TOX: variants seen among roughly 807,000 people sequenced by gnomAD.
TOX encodes the protein thymocyte selection associated high mobility group box, also known as thymocyte selection-associated high mobility group box protein TOX.
In TOX, 11 loss-of-function variants were observed where a neutral mutation model predicts 53.7. The ratio of observed to expected loss-of-function variants is 0.20; its 90% CI spans 0.13 to 0.34. The LOEUF (loss-of-function observed/expected upper bound fraction) is 0.34, where lower values mean the gene tolerates loss of function less well. Among genes scored for constraint, TOX ranks in the 10% least tolerant of loss-of-function variants. The probability of loss-of-function intolerance (pLI) is 1.00; values close to 1 mark genes in which losing one functional copy is unlikely to be tolerated. For missense variants in TOX, 570 were observed against 664.6 expected (o/e 0.86, Z 1.56); for synonymous variants, 225 against 245.3 (o/e 0.92, Z 0.77).
chr8:59,068,359 G>C lies in TOX; in HGVS notation c.102+50527C>G, dbSNP rs117711745. ...TGTCCACAGAGTTTATCTAGTGGGG[G>C]AGATAGCTGTAAAGGAGACGGGGGA... On this transcript the variant is annotated intron_variant, in intron 1 of 8. Coordinates refer to ENST00000361421, the MANE Select transcript of TOX (RefSeq NM_014729.3). Among the ~76,000 whole-genome samples, 210 of 151,840 alleles carry C rather than the reference G, an allele frequency of 1.4e-3. 1 individual carries two copies. Among genetic ancestry groups the C allele is most frequent in the Non-Finnish European group, 2.5e-3 (167 of 67,972 alleles).
At chr8:59,086,904 A>C (rs895451597) in intron 1 of TOX, among the ~76,000 whole-genome samples, 1 of 152,176 alleles carries the variant, frequency 6.6e-6, no homozygotes, top group Non-Finnish European at 1.5e-5. Flanking sequence ...TGATGCAGTA[A>C]ATGGGGATTT....
chr8:59,056,687 T>G (rs1803894553), intron 1 of TOX, among the ~76,000 whole-genome samples: 1 of 152,132 alleles, frequency 6.6e-6, no homozygotes, highest in Non-Finnish European at 1.5e-5. Context: ...ATGCAGAAAT[T>G]TCTACTCCGT....
chr8:58,962,625 A>T (rs1812819946), intron 1 of TOX, among the ~76,000 whole-genome samples: 1 of 152,186 alleles, frequency 6.6e-6, no homozygotes, highest in Non-Finnish European at 1.5e-5. Flanking sequence ...AAAAATTATC[A>T]AAGCAGAGTG....
At chr8:58,807,847 G>C in intron 8 of TOX, 64 bp from the exon 9 acceptor site, 5 of 1,589,826 alleles carry the variant, frequency 3.1e-6, no homozygotes, top group Non-Finnish European at 4.3e-6. Flanking sequence ...GTGACAATGG[G>C]GGGATGGATG....
chr8:59,049,141 A>G (rs1029671881), intron 1 of TOX, among the ~76,000 whole-genome samples: 7 of 152,142 alleles, frequency 4.6e-5, no homozygotes, highest in African/African-American at 1.7e-4. Context: ...ATAAGAAAAC[A>G]TGCACGCTTA....
intron 1 of TOX, among the ~76,000 whole-genome samples, chr8:59,004,249 C>A (rs1813746430): frequency 6.6e-6 from 1 of 152,188 alleles, no homozygotes; most frequent in Non-Finnish European, 1.5e-5. Context: ...ATCTAAACCA[C>A]TTTTCTATTG....
intron 1 of TOX, among the ~76,000 whole-genome samples, chr8:59,049,217 A>G (rs1270551353): frequency 1.3e-5 from 2 of 152,168 alleles, no homozygotes; most frequent in African/African-American, 4.8e-5. Context: ...AGGGACCAAA[A>G]AATCAGTTAA....
At chr8:58,928,268 T>C (rs1812198219) in intron 3 of TOX, among the ~76,000 whole-genome samples, 1 of 152,204 alleles carries the variant, frequency 6.6e-6, no homozygotes, top group Non-Finnish European at 1.5e-5. Context: ...AGGCCAGCCT[T>C]GTGTGCTATG....
At chr8:59,011,367 A>C (rs1188279506) in intron 1 of TOX, among the ~76,000 whole-genome samples, 1 of 152,176 alleles carries the variant, frequency 6.6e-6, no homozygotes, top group Non-Finnish European at 1.5e-5. Context: ...AGCCCTACCC[A>C]GGAAAGGCTG....
chr8:58,974,520 T>A (rs1442918105), intron 1 of TOX, among the ~76,000 whole-genome samples: 1 of 152,202 alleles, frequency 6.6e-6, no homozygotes, highest in African/African-American at 2.4e-5. Flanking sequence ...ACCCAACTCT[T>A]CTAGGGCCTT....
At chr8:58,940,429 T>C (rs1449291398) in intron 2 of TOX, among the ~76,000 whole-genome samples, 2 of 151,978 alleles carry the variant, frequency 1.3e-5, no homozygotes, top group Non-Finnish European at 2.9e-5. Context: ...GACATGCCTG[T>C]TTGAAATGGA....
In TOX at chr8:59,100,041, T is replaced by C. The variant is rs555231109; in HGVS notation, c.102+18845A>G. On this transcript the variant is annotated intron_variant, in intron 1 of 8. Coordinates refer to ENST00000361421, the MANE Select transcript of TOX (RefSeq NM_014729.3). ...GGAGTAGAATTGCATCTTTTTTTTT[T>C]TCCCATAAAATGCAATTACGGAGAA... Among the ~76,000 whole-genome samples the C allele has an allele frequency of 2.0e-4, 31 of 152,260 alleles. 1 individual carries two copies. Among genetic ancestry groups the C allele is most frequent in the South Asian group, 1.9e-3 (9 of 4,822 alleles).
At chr8:58,825,696 T>A (rs1810354466) in intron 6 of TOX, among the ~76,000 whole-genome samples, 1 of 152,254 alleles carries the variant, frequency 6.6e-6, no homozygotes, top group South Asian at 2.1e-4. Flanking sequence ...AATTATCTGT[T>A]AACAATATCC....
intron 1 of TOX, among the ~76,000 whole-genome samples, chr8:59,018,679 C>T (rs890175002): frequency 6.6e-6 from 1 of 152,180 alleles, no homozygotes; most frequent in South Asian, 2.1e-4. Flanking sequence ...CCAGAACCAA[C>T]ACTGGCTTGA....
intron 7 of TOX, 149 bp downstream of exon 7, chr8:58,815,189 G>T: frequency 9.7e-7 from 1 of 1,035,750 alleles, no homozygotes; most frequent in Non-Finnish European, 1.3e-6. Context: ...GCAGATATTT[G>T]TTGAATATCT....
chr8:58,909,356 A>C (rs1486901569), intron 3 of TOX, among the ~76,000 whole-genome samples: 1 of 152,216 alleles, frequency 6.6e-6, no homozygotes, highest in Non-Finnish European at 1.5e-5. Context: ...ACTTAAAATT[A>C]AATGAAATTA....
In TOX at chr8:59,118,927, G is replaced by C. The variant is rs773316060; in HGVS notation, c.61C>G (p.Leu21Val). 4 of 1,601,982 alleles carry C rather than the reference G, an allele frequency of 2.5e-6. No homozygotes were observed. The South Asian group carries it at 4.4e-5, about 18-fold the overall frequency. ...GGGTCCAGGCAGGGAGAAGGTCCCA[G>C]ACAGGGAGCGTCGGGCGCAGCGGCG... is the stretch of plus-strand genomic sequence containing the variant. ...QPAAAPDAPC[L>V]GPSPCLDPYY... Residue 21 changes from leucine (L) to valine (V), a missense_variant, in exon 1 of 9, where the codon CTG becomes GTG. Around this residue, in one of 3 missense-constraint regions of TOX, gnomAD observed 282 missense variants for 315.0 expected, o/e 0.90. Transcript: ENST00000361421. This position sits in a 1 kb window ranked among gnomAD's most constrained non-coding sequence, Gnocchi z 4.1.
chr8:58,996,026 T>C lies in TOX; in HGVS notation c.103-36018A>G, dbSNP rs142283467. Among the ~76,000 whole-genome samples the C allele has an allele frequency of 6.1e-3, 931 of 152,308 alleles. 14 individuals are homozygous for C. Among genetic ancestry groups the C allele is most frequent in the African/African-American group, 0.022 (901 of 41,574 alleles). ...CTGCTCTCCCCTTACTCAATAAATA[T>C]GGAAATCTATTCTTCGTCCAGTTTG... is the stretch of plus-strand genomic sequence containing the variant. On this transcript the variant is annotated intron_variant, in intron 1 of 8. Transcript: ENST00000361421.
chr8:58,962,318 A>G (rs1003287841), intron 1 of TOX, among the ~76,000 whole-genome samples: 2 of 152,226 alleles, frequency 1.3e-5, no homozygotes, highest in African/African-American at 2.4e-5. Flanking sequence ...CATTATAACT[A>G]TATTTTTAAG....
Sources: gnomAD v4.1 joint callset for allele counts (sites outside exome capture counted in the v4.1 genomes callset) on GRCh38, gnomAD v4.1.1 for gene constraint, gnomAD v4.1.1 regional missense constraint, Gnocchi (gnomAD v3.1) non-coding constraint, MANE v1.5 for transcripts, NCBI Gene and HGNC (gene_info 2026-07-23, HGNC 2026-07-21) for gene names.